CD8B2: variants seen among roughly 807,000 people sequenced by gnomAD.
CD8B2 encodes the protein T-cell surface glycoprotein CD8 beta-2 chain.
A neutral mutation model predicts 23.7 loss-of-function variants in CD8B2; 11 were observed. The ratio of observed to expected loss-of-function variants is 0.46; its 90% CI spans 0.29 to 0.77. The LOEUF (loss-of-function observed/expected upper bound fraction) is 0.77. Ranked by LOEUF, CD8B2 falls within the 30% of genes least tolerant of loss-of-function variation. CD8B2 has a pLI of 0.09. For synonymous variants in CD8B2, 90 were observed against 109.3 expected (o/e 0.82, Z 1.10); for missense variants, 197 against 270.5 (o/e 0.73, Z 1.91).
In CD8B2 at chr2:106,487,482, C is replaced by T. The variant is rs1411696988; in HGVS notation, c.43+13C>T. ...GCGCAGCTGACAGGTAAGGCGGCGG[C>T]GCGCGGGCTGCCCAAGGTCTGCGCT... On this transcript the variant is annotated intron_variant, in intron 1 of 5. Coordinates refer to ENST00000643224, the MANE Select transcript of CD8B2 (RefSeq NM_001349727.2). The T allele has an allele frequency of 5.6e-6, 7 of 1,241,454 alleles. No homozygotes were observed. The highest frequency in any genetic ancestry group is 4.2e-5 in the Admixed American group (1 of 23,780). The allele number at this position is 1,241,454 out of a possible 1,614,324, so 76.9% of individuals were successfully genotyped here. A position where few individuals can be genotyped will look rare whatever the true frequency, so the allele number is the denominator to read the frequency against.
chr2:106,526,991 T>A (rs1573348595), intron 5 of CD8B2, among the ~76,000 whole-genome samples: 2 of 152,364 alleles, frequency 1.3e-5, no homozygotes, highest in South Asian at 4.1e-4. Flanking sequence ...GACATTTGGA[T>A]TATGTCTACA....
intron 5 of CD8B2, among the ~76,000 whole-genome samples, chr2:106,531,018 T>A (rs554460294): frequency 2.0e-5 from 3 of 152,244 alleles, no homozygotes; most frequent in Non-Finnish European, 2.9e-5. Flanking sequence ...GGGGCTGCAC[T>A]GTCTATGGAG....
At position 106,489,625 on chromosome 2, in the gene CD8B2, T is replaced by C. The variant is rs1409629778; in HGVS notation, c.44-1249T>C. Reference sequence around the variant, plus strand: ...GGCTCACCAGGTCAGATTGTGTTTGTTGGAAGCTGTGCAGCCTTGGTGTGT... The same window carrying C: ...GGCTCACCAGGTCAGATTGTGTTTGCTGGAAGCTGTGCAGCCTTGGTGTGT... On this transcript the variant is annotated intron_variant, in intron 1 of 5. Coordinates refer to ENST00000643224, the MANE Select transcript of CD8B2 (RefSeq NM_001349727.2). 2.0e-5 allele frequency among the ~76,000 whole-genome samples: 3 copies of C among 152,056 alleles called. No individual in the cohort carries two copies. The East Asian group carries it at 5.8e-4, about 29-fold the overall frequency.
chr2:106,532,847 T>G (rs1345028099), intron 5 of CD8B2, among the ~76,000 whole-genome samples: 1 of 152,186 alleles, frequency 6.6e-6, no homozygotes, highest in Non-Finnish European at 1.5e-5. Context: ...ATGACCTGTG[T>G]CTTGTGCTGA....
At chr2:106,514,752 TTGTGTG>T (rs10692298), downstream of CD8B2, among the ~76,000 whole-genome samples, 6 of 145,402 alleles carry the variant, frequency 4.1e-5, no homozygotes, top group Admixed American at 3.4e-4. Context: ...GTTAAGACTT[TTGTGTG>T]TGTGTGTGTG....
At chr2:106,505,513 C>CCAGG (rs930047073) in intron 5 of CD8B2, among the ~76,000 whole-genome samples, 1 of 152,102 alleles carries the variant, frequency 6.6e-6, no homozygotes, top group African/African-American at 2.4e-5. Flanking sequence ...GCATGTGGCC[C>CCAGG]CAGGACCCCT....
chr2:106,529,840 C>T (rs7340414), intron 5 of CD8B2, among the ~76,000 whole-genome samples: 25 of 152,320 alleles, frequency 1.6e-4, no homozygotes, highest in African/African-American at 5.5e-4. Flanking sequence ...TCTTTGCCAT[C>T]ACACAGGGCA....
At position 106,537,518 on chromosome 2, in the gene CD8B2, A is replaced by G. The variant is rs147806852; in HGVS notation, c.621-6474A>G. Among the ~76,000 whole-genome samples the G allele has an allele frequency of 2.2e-4, 33 of 152,304 alleles. 2 individuals carry two copies. Among genetic ancestry groups the G allele is most frequent in the African/African-American group, 7.2e-4 (30 of 41,574 alleles). ...GCACAGAAATCCCCAAATGAGGTTA[A>G]GAGAGGTGTGTGGCACACTTGCACA... On this transcript the variant is annotated intron_variant, in intron 5 of 5. Transcript: ENST00000416057.
chr2:106,491,002 C>A lies in CD8B2; in HGVS notation c.172C>A (p.Arg58Ser). ...CATGTGCATCTACTGGCTGAGACAG[C>A]GCCAGGCCCCGAGCAGTGATAGTCA... is the stretch of plus-strand genomic sequence containing the variant. The part of the protein sequence containing the change: ...SNMCIYWLRQ[R>S]QAPSSDSHHE... The change falls in exon 2 of 6, where the codon CGC becomes AGC. Residue 58 changes from arginine (R) to serine (S), a missense_variant. Arg to Ser is a moderately radical substitution (Grantham distance 110). Around this residue, in one of 3 missense-constraint regions of CD8B2, gnomAD observed 140 missense variants for 164.2 expected, o/e 0.85. Coordinates refer to ENST00000643224, the MANE Select transcript of CD8B2 (RefSeq NM_001349727.2). 2 of 1,613,988 alleles carry A rather than the reference C, an allele frequency of 1.2e-6. No homozygotes were observed. The highest frequency in any genetic ancestry group is 1.7e-6 in the Non-Finnish European group (2 of 1,179,862).
rs111357826 is a variant in CD8B2, at chr2:106,543,970, G to T, written c.621-22G>T. ...GATTCGATTGTTCTTCTCTACTCAT[G>T]AAAGTCCTATTTTTCTTCCAGACCC... On this transcript the variant is annotated intron_variant, in intron 5 of 5. Coordinates refer to the CD8B2 transcript ENST00000416057. The T allele has an allele frequency of 7.5e-3, 2,981 of 398,616 alleles. 17 individuals carry two copies. Among genetic ancestry groups the T allele is most frequent in the Non-Finnish European group, 0.011 (2,492 of 226,070 alleles). 24.7% of individuals were successfully genotyped at this position (398,616 alleles called of 1,614,324 possible).
chr2:106,530,197 C>A (rs1031069604), intron 5 of CD8B2, among the ~76,000 whole-genome samples: 1 of 152,182 alleles, frequency 6.6e-6, no homozygotes, highest in Non-Finnish European at 1.5e-5. Context: ...CTGTGAAGGA[C>A]GGATCCCAGA....
intron 5 of CD8B2, among the ~76,000 whole-genome samples, chr2:106,534,637 C>T (rs1053957966): frequency 1.3e-5 from 2 of 152,064 alleles, no homozygotes; most frequent in African/African-American, 4.8e-5. Flanking sequence ...CAGAGCTAGC[C>T]CTTTTGATGA....
At chr2:106,497,611 C>T (rs1679324136) in intron 3 of CD8B2, among the ~76,000 whole-genome samples, 1 of 152,140 alleles carries the variant, frequency 6.6e-6, no homozygotes, top group African/African-American at 2.4e-5. Flanking sequence ...TTTGCTTTGT[C>T]TTAAATATTT....
intron 5 of CD8B2, among the ~76,000 whole-genome samples, chr2:106,506,029 A>G (rs1679498723): frequency 6.6e-6 from 1 of 152,064 alleles, no homozygotes; most frequent in African/African-American, 2.4e-5. Context: ...CAGCTACTCA[A>G]GAGGCTGAGG....
intron 5 of CD8B2, among the ~76,000 whole-genome samples, chr2:106,531,721 A>G (rs113571333): frequency 0.045 from 6,879 of 152,214 alleles, 211 homozygotes; most frequent in Middle Eastern, 0.12. Flanking sequence ...AGCCTCTCCC[A>G]TGGGCATTCC....
chr2:106,530,631 G>A (rs937901726), intron 5 of CD8B2, among the ~76,000 whole-genome samples: 3 of 152,020 alleles, frequency 2.0e-5, no homozygotes, highest in African/African-American at 4.8e-5. Context: ...CACCCAGCTC[G>A]GCCTCCCAAA....
At chr2:106,537,157 G>C (rs1186367239) in intron 5 of CD8B2, among the ~76,000 whole-genome samples, 4 of 152,138 alleles carry the variant, frequency 2.6e-5, no homozygotes, top group African/African-American at 4.8e-5. Flanking sequence ...GTGCTAACCA[G>C]GCCTCATGCT....
At position 106,491,119 on chromosome 2, in the gene CD8B2, A is replaced by C; in HGVS notation, c.289A>C (p.Ser97Arg). 6.2e-7 allele frequency: 1 copy of C among 1,613,854 alleles called. No homozygotes were observed. Among genetic ancestry groups the C allele is most frequent in the Non-Finnish European group, 8.5e-7 (1 of 1,179,746 alleles). ...QEKIAVFRDA[S>R]RFILNLTSVK... The stretch of plus-strand genomic sequence containing the variant: ...GAAGATAGCTGTGTTTCGGGATGCA[A>C]GCCGGTTCATTCTCAATCTCACAAG... Residue 97 changes from serine to arginine, a missense_variant, in exon 2 of 6, where the codon AGC (serine) becomes CGC (arginine). Physicochemically the swap from Ser to Arg is moderately radical, Grantham distance 110. This residue lies in a region of CD8B2 where 140 missense variants were observed against 164.2 expected (regional missense o/e 0.85). Transcript: ENST00000643224.
At chr2:106,533,913 C>A (rs1680047706) in intron 5 of CD8B2, among the ~76,000 whole-genome samples, 1 of 152,166 alleles carries the variant, frequency 6.6e-6, no homozygotes, top group Non-Finnish European at 1.5e-5. Context: ...CTGATATGGC[C>A]AATTCCCAGG....
Sources: gnomAD v4.1 joint callset for allele counts (sites outside exome capture counted in the v4.1 genomes callset) on GRCh38, gnomAD v4.1.1 for gene constraint, gnomAD v4.1.1 regional missense constraint, MANE v1.5 for transcripts, NCBI Gene and HGNC (gene_info 2026-07-23, HGNC 2026-07-21) for gene names.